The following ADAM33 variants were observed in gnomAD, a reference collection of about 807,000 sequenced individuals.
ADAM33 encodes the protein ADAM metallopeptidase domain 33.
Under a neutral mutation model 106.2 loss-of-function variants are expected in ADAM33, and 103 were observed. That is an observed-to-expected ratio of 0.97 (90% CI 0.83 to 1.14). The LOEUF (loss-of-function observed/expected upper bound fraction) is 1.14, where lower values mean the gene tolerates loss of function less well. ADAM33 is among the 50% of genes most tolerant of loss of function. The pLI is 0.00. For synonymous variants in ADAM33, 483 were observed against 453.0 expected, an observed-to-expected ratio of 1.07 and a Z score of -0.84; for missense variants, 1,120 against 1,096.6, an observed-to-expected ratio of 1.02 and a Z score of -0.30.
chr20:3,678,427 G>A (rs1408829680), intron 2 of ADAM33, among the ~76,000 whole-genome samples: 4 of 152,202 alleles, frequency 2.6e-5, no homozygotes, highest in African/African-American at 9.7e-5. Context: ...CAGAGGCAGA[G>A]TGACCCCAGT....
At chr20:3,673,525 CGGCCGTAGAGCCTCCTGT>C (rs1386688665) in intron 10 of ADAM33, 29 bp from the exon 11 acceptor site, 2 of 1,460,074 alleles carry the variant, frequency 1.4e-6, no homozygotes, top group Non-Finnish European at 1.8e-6. Flanking sequence ...GCGGTCACTG[CGGCCGTAGAGCCTCCTGT>C]CTCTCCCTCG....
In ADAM33 at chr20:3,679,536, C is replaced by T; in HGVS notation, c.133G>A (p.Val45Ile). The change falls in exon 2 of 22, where the codon GTC (valine) becomes ATC (isoleucine). Residue 45 changes from valine (V) to isoleucine (I), a missense_variant. Transcript: ENST00000356518. ...IPGQPVTPHWVLDGQPWRTVS... is the reference protein window; with the variant it reads ...IPGQPVTPHWILDGQPWRTVS... ...GTGCGCCAGGGTTGTCCATCCAGGA[C>T]CCAGTGCGGGGTGACTGGCTGCCCA... 1 of 1,610,900 alleles carries T rather than the reference C, an allele frequency of 6.2e-7. No individual in the cohort carries two copies. Among genetic ancestry groups the T allele is most frequent in the Non-Finnish European group, 8.5e-7 (1 of 1,178,762 alleles).
intron 1 of ADAM33, 26 bp from the exon 2 acceptor site, chr20:3,679,597 G>A: frequency 1.3e-6 from 2 of 1,587,692 alleles, no homozygotes; most frequent in Non-Finnish European, 1.7e-6. Context: ...AGCACAGGGT[G>A]AGGGGGACCT....
intron 21 of ADAM33, 126 bp from the exon 22 acceptor site, chr20:3,669,126 C>T (rs2087361117): frequency 1.5e-6 from 2 of 1,292,808 alleles, no homozygotes; most frequent in South Asian, 2.4e-5. Context: ...TTCTCCCTCC[C>T]CAGCCCAGGG....
chr20:3,678,680 G>C (rs1380012166), intron 2 of ADAM33, among the ~76,000 whole-genome samples: 5 of 152,238 alleles, frequency 3.3e-5, no homozygotes, highest in Admixed American at 2.6e-4. Flanking sequence ...CTCTAGGAGG[G>C]GCAGGGGTGT....
In ADAM33 at chr20:3,673,875, C is replaced by T. The variant is rs778664179; in HGVS notation, c.775G>A (p.Gly259Ser). 5 of 1,562,050 alleles carry T rather than the reference C, an allele frequency of 3.2e-6. No individual in the cohort carries two copies. Among genetic ancestry groups the T allele is most frequent in the Non-Finnish European group, 4.3e-6 (5 of 1,161,668 alleles). ...TCCCGCTCGGTCCACACCTCCAGGCCGGTCAGCGCCACCTGAATGTCCAGA... is the reference window on the plus strand; with the variant it reads ...TCCCGCTCGGTCCACACCTCCAGGCTGGTCAGCGCCACCTGAATGTCCAGA... ...RTLDIQVALTGLEVWTERDRS... is the reference protein window; with the variant it reads ...RTLDIQVALTSLEVWTERDRS... The change falls in exon 9 of 22, where the codon GGC (glycine) becomes AGC (serine). Residue 259 changes from glycine to serine, a missense_variant. Gly to Ser is a moderately conservative substitution (Grantham distance 56). Transcript: ENST00000356518.
intron 1 of ADAM33, among the ~76,000 whole-genome samples, chr20:3,681,591 AG>A (rs2088500441): frequency 7.3e-6 from 1 of 137,874 alleles, no homozygotes; most frequent in Non-Finnish European, 1.6e-5. Context: ...ATCCAGGAAG[AG>A]GGGGCTACGG....
Position 3,674,055 on chromosome 20 carries a change from G to A in ADAM33, c.738+9C>T, listed in dbSNP as rs773482603. The A allele has an allele frequency of 1.2e-6, 2 of 1,613,428 alleles. No homozygotes were observed. Among genetic ancestry groups the A allele is most frequent in the Admixed American group, 1.7e-5 (1 of 59,984 alleles). ...CCCCCATCACCGCTCTCTCCCCGCC[G>A]CCCCCAACCTGGTCCACGTAGTTGG... On this transcript the variant is annotated intron_variant, in intron 8 of 21. Coordinates refer to ENST00000356518, the MANE Select transcript of ADAM33 (RefSeq NM_025220.5).
At chr20:3,677,836 G>A (rs540194473) in intron 2 of ADAM33, among the ~76,000 whole-genome samples, 13 of 152,278 alleles carry the variant, frequency 8.5e-5, no homozygotes, top group South Asian at 2.1e-4. Flanking sequence ...CCCTCTTGGC[G>A]TCTCCCACCC....
rs1422981315 is a variant in ADAM33, at chr20:3,677,158, G to GAA, written c.178-16_178-15insTT. The GAA allele has an allele frequency of 6.3e-7, 1 of 1,592,214 alleles. No individual in the cohort carries two copies. The highest frequency in any genetic ancestry group is 1.7e-5 in the Admixed American group (1 of 58,030). ...GGCTTCGAGACCTGGGCAAGAAAAT[G>GAA]TGTGGAGCTGAGATGGTGGCCTCCA... is the stretch of plus-strand genomic sequence containing the variant. On this transcript the variant is annotated splice_polypyrimidine_tract_variant and intron_variant, in intron 2 of 21. Coordinates refer to ENST00000356518, the MANE Select transcript of ADAM33 (RefSeq NM_025220.5).
rs1015191297 is a variant in ADAM33 at position 3,669,955 on chromosome 20, G to A, written c.2241-318C>T. On this transcript the variant is annotated intron_variant, in intron 19 of 21. Coordinates refer to ENST00000356518, the MANE Select transcript of ADAM33 (RefSeq NM_025220.5). ...AGCTTCCAAAGAACCTTGGATGTCC[G>A]CCCCTTCGGCAGCTATGTCTGCTCT... 9 of 508,610 alleles carry A rather than the reference G, an allele frequency of 1.8e-5. No homozygotes were observed. In the Admixed American group the frequency reaches 2.3e-4, roughly 13 times the overall value. 31.5% of individuals were successfully genotyped at this position (508,610 alleles called of 1,614,324 possible).
rs1189769569 is a variant in ADAM33, at chr20:3,669,649, G to A, written c.2241-12C>T. ...GGCCATCTTTGGGGCTGAGCAACGT[G>A]ATAAGAGTCCAGGAGGTTGGCACAG... On this transcript the variant is annotated splice_polypyrimidine_tract_variant and intron_variant, in intron 19 of 21. Coordinates refer to ENST00000356518, the MANE Select transcript of ADAM33 (RefSeq NM_025220.5). 2.5e-6 allele frequency: 4 copies of A among 1,595,570 alleles called. No individual in the cohort carries two copies. The highest frequency in any genetic ancestry group is 8.5e-7 in the Non-Finnish European group (1 of 1,171,956).
intron 1 of ADAM33, 123 bp downstream of exon 1, chr20:3,681,785 G>A (rs2088521444): frequency 7.3e-7 from 1 of 1,373,096 alleles, no homozygotes; most frequent in Non-Finnish European, 9.5e-7. Flanking sequence ...TGACCTACTG[G>A]CCGTATGGTG....
At position 3,673,565 on chromosome 20, in the gene ADAM33, G is replaced by C; in HGVS notation, c.990+9C>G. 1 of 1,393,426 alleles carries C rather than the reference G, an allele frequency of 7.2e-7. No individual in the cohort carries two copies. Among genetic ancestry groups the C allele is most frequent in the Non-Finnish European group, 9.3e-7 (1 of 1,080,386 alleles). 86.3% of individuals were successfully genotyped at this position (1,393,426 alleles called of 1,614,324 possible). A position where few individuals can be genotyped will look rare whatever the true frequency, so the allele number is the denominator to read the frequency against. ...CTGTCTCTCCCTCGCCCCCGCCCGC[G>C]GGGCTCACCGTGCTCACGCCTCCCG... On this transcript the variant is annotated intron_variant, in intron 10 of 21. Coordinates refer to ENST00000356518, the MANE Select transcript of ADAM33 (RefSeq NM_025220.5).
Position 3,674,060 on chromosome 20 carries a change from C to A in ADAM33, c.738+4G>T, listed in dbSNP as rs373278642. ...ATCACCGCTCTCTCCCCGCCGCCCCCAACCTGGTCCACGTAGTTGGCGACT... is the reference window on the plus strand; with the variant it reads ...ATCACCGCTCTCTCCCCGCCGCCCCAAACCTGGTCCACGTAGTTGGCGACT... On this transcript the variant is annotated splice_donor_region_variant and intron_variant, in intron 8 of 21. Coordinates refer to ENST00000356518, the MANE Select transcript of ADAM33 (RefSeq NM_025220.5). 3.5e-5 allele frequency: 56 copies of A among 1,614,130 alleles called. No individual in the cohort carries two copies. The African/African-American group carries it at 7.2e-4, about 21-fold the overall frequency.
chr20:3,679,695 C>G (rs888571718), intron 1 of ADAM33, 124 bp from the exon 2 acceptor site: 3 of 750,744 alleles, frequency 4.0e-6, no homozygotes, highest in Non-Finnish European at 6.7e-6. Context: ...GGGCAGACTT[C>G]ACCTTCAACA....
rs540767240 is a variant in ADAM33 at position 3,675,983 on chromosome 20, C to G, written c.255-878G>C. Among the ~76,000 whole-genome samples, 5 of 151,984 alleles carry G rather than the reference C, an allele frequency of 3.3e-5. No homozygotes were observed. Among genetic ancestry groups the G allele is most frequent in the Admixed American group, 3.3e-4 (5 of 15,250 alleles). On this transcript the variant is annotated intron_variant, in intron 3 of 21. Coordinates refer to ENST00000356518, the MANE Select transcript of ADAM33 (RefSeq NM_025220.5). This position sits in a 1 kb window ranked among gnomAD's most constrained non-coding sequence, Gnocchi z 4.1. ...GACCACCCCATTGAAAGGGTAGGGA[C>G]GTCGGGAAAATATGGTTGGGCACAG...
chr20:3,681,588 A>C (rs553863), intron 1 of ADAM33, among the ~76,000 whole-genome samples: 61,632 of 151,286 alleles, frequency 0.41, 12,776 homozygotes, highest in South Asian at 0.54. Context: ...AGAATCCAGG[A>C]AGAGGGGGCT....
Position 3,671,280 on chromosome 20 carries a change from T to C in ADAM33, c.2049A>G (p.Pro683=), listed in dbSNP as rs2087516351. 6.2e-7 allele frequency: 1 copy of C among 1,613,836 alleles called. No homozygotes were observed. Among genetic ancestry groups the C allele is most frequent in the South Asian group, 1.1e-5 (1 of 91,092 alleles). The part of the protein sequence containing the change: ...PGWAPPFCDK[P]GFGGSMDSGP... The stretch of plus-strand genomic sequence containing the variant: ...CACTGTCCATGCTGCCACCAAAGCC[T>C]GGCTTGTCACAGAAGGGTGGAGCCC... Residue 683 remains proline, a synonymous_variant, in exon 18 of 22, where the codon CCA becomes CCG. Coordinates refer to ENST00000356518, the MANE Select transcript of ADAM33 (RefSeq NM_025220.5).
Sources: allele counts gnomAD v4.1 joint callset (sites outside exome capture counted in the v4.1 genomes callset), GRCh38; gene constraint gnomAD v4.1.1; non-coding constraint Gnocchi (gnomAD v3.1); transcripts MANE v1.5; gene names NCBI Gene and HGNC (gene_info 2026-07-23, HGNC 2026-07-21).